The following PKD1 variants were observed in gnomAD, a reference collection of about 807,000 sequenced individuals.
The protein encoded by PKD1 is polycystin 1, transient receptor potential channel interacting.
PKD1 carries 81 observed loss-of-function variants against 361.7 expected under a neutral mutation model. The ratio of observed to expected loss-of-function variants is 0.22; its 90% CI spans 0.19 to 0.27. PKD1 has a LOEUF of 0.27. Ranked by LOEUF, PKD1 falls within the 10% of genes least tolerant of loss-of-function variation. PKD1 has a pLI of 1.00. For missense variants in PKD1, 6,399 were observed against 6,118.3 expected (o/e 1.05, Z -1.53); for synonymous variants, 3,615 against 2,818.3 (o/e 1.28, Z -8.95).
chr16:2,108,368 C>T lies in PKD1; in HGVS notation c.6799G>A (p.Val2267Met), dbSNP rs148069029. 238 of 1,610,370 alleles carry T rather than the reference C, an allele frequency of 1.5e-4. No homozygotes were observed. In the African/African-American group the frequency reaches 1.6e-3, roughly 11 times the overall value. ...ACCAGGTCCCGTGTGTCTGACCACA[C>T]GCGGTATGAGCCACCCTCAATGATG... ...VPIIEGGSYR[V>M]WSDTRDLVLD... Residue 2267 changes from valine (V) to methionine (M), a missense_variant, in exon 15 of 46, where the codon GTG becomes ATG. Transcript: ENST00000262304.
At position 2,115,378 on chromosome 16, in the gene PKD1, C is replaced by T; in HGVS notation, c.2097G>A (p.Ser699=). The change falls in exon 10 of 46, where the codon TCG becomes TCA. Residue 699 remains serine, a splice_region_variant and synonymous_variant. Transcript: ENST00000262304. ...ACAGACCCAGGTCAGGGCCACACAC[C>T]GAGTACTGCGCGGGGGGCCCCGCGG... ...SVPAGPPAQY[S]VTLHGQDVLM... 5 of 1,524,164 alleles carry T rather than the reference C, an allele frequency of 3.3e-6. No homozygotes were observed. The highest frequency in any genetic ancestry group is 4.5e-6 in the Non-Finnish European group (5 of 1,122,896). 94.4% of individuals were successfully genotyped at this position (1,524,164 alleles called of 1,614,324 possible). A position where few individuals can be genotyped will look rare whatever the true frequency, so the allele number is the denominator to read the frequency against.
intron 1 of PKD1, among the ~76,000 whole-genome samples, chr16:2,121,099 C>T (rs1284459463): frequency 1.3e-5 from 2 of 151,910 alleles, no homozygotes; most frequent in Non-Finnish European, 2.9e-5. Context: ...GGTGCAATGG[C>T]TCCTGCCTGT....
Position 2,102,616 on chromosome 16 carries a change from C to T in PKD1, c.8966G>A (p.Gly2989Glu), listed in dbSNP as rs2092142047. The T allele has an allele frequency of 1.2e-6, 2 of 1,610,942 alleles. No individual in the cohort carries two copies. Among genetic ancestry groups the T allele is most frequent in the Non-Finnish European group, 1.7e-6 (2 of 1,179,814 alleles). The change falls in exon 25 of 46, where the codon GGG (glycine) becomes GAG (glutamate). Residue 2989 changes from glycine to glutamate, a missense_variant. Coordinates refer to ENST00000262304, the MANE Select transcript of PKD1 (RefSeq NM_001009944.3). ...GCTGGAGAGGTTCAGATGGTAACTC[C>T]CCGCTGGGTCTCTGCTCCTGGGCAG... The part of the protein sequence containing the change: ...FISPGSRDPA[G>E]SYHLNLSSHF...
chr16:2,098,239 C>G, intron 30 of PKD1: 2 of 552,242 alleles, frequency 3.6e-6, no homozygotes, highest in South Asian at 4.0e-5. Flanking sequence ...TAGATGGAGT[C>G]TCGCTGTCAC....
chr16:2,123,439 C>A (rs1350086816), intron 1 of PKD1: 1 of 456,410 alleles, frequency 2.2e-6, no homozygotes, highest in East Asian at 6.9e-5. Context: ...CAGGGAACAG[C>A]ACAGGGGTCC....
chr16:2,127,353 C>T (rs2092812131), intron 1 of PKD1, among the ~76,000 whole-genome samples: 1 of 152,250 alleles, frequency 6.6e-6, no homozygotes, highest in Non-Finnish European at 1.5e-5. Context: ...TGGGCAAACA[C>T]CCAGATGTAG....
At chr16:2,092,630 C>A (rs1234765533) in intron 38 of PKD1, 38 bp from the exon 39 acceptor site, 35 of 1,414,192 alleles carry the variant, frequency 2.5e-5, no homozygotes, top group Non-Finnish European at 3.3e-5. Flanking sequence ...GCCCCTACTG[C>A]CCCATGCCCG....
intron 45 of PKD1, 30 bp downstream of exon 45, chr16:2,090,255 T>A: frequency 6.2e-7 from 1 of 1,608,646 alleles, no homozygotes; most frequent in Non-Finnish European, 8.5e-7. Flanking sequence ...CCAGGGCGTG[T>A]CCCTCTCCCC....
At chr16:2,098,959 T>C (rs1259721557) in intron 30 of PKD1, 1 of 159,458 alleles carries the variant, frequency 6.3e-6, no homozygotes, top group Non-Finnish European at 1.4e-5. Context: ...GCCTCTCGAG[T>C]AGCTGGGACT....
rs776302294 is a variant in PKD1 at position 2,118,404 on chromosome 16, G to A, written c.588C>T (p.Ser196=). 1,497 of 1,221,104 alleles carry A rather than the reference G, an allele frequency of 1.2e-3. 12 individuals carry two copies. Among genetic ancestry groups the A allele is most frequent in the Middle Eastern group, 0.011 (43 of 3,768 alleles). 75.6% of individuals were successfully genotyped at this position (1,221,104 alleles called of 1,614,324 possible). A position where few individuals can be genotyped will look rare whatever the true frequency, so the allele number is the denominator to read the frequency against. Residue 196 remains serine (S), a synonymous_variant, in exon 5 of 46, where the codon TCC becomes TCT. Transcript: ENST00000262304. This position sits in a 1 kb window ranked among gnomAD's most constrained non-coding sequence, Gnocchi z 6.0. The part of the protein sequence containing the change: ...DNSSGTVAAV[S]FSAAHEGLLQ... Reference sequence around the variant, plus strand: ...GCAGGCCTTCGTGGGCAGCTGAAAAGGACACTGCTGCCACGGTGCCTGAGC... The same window carrying A: ...GCAGGCCTTCGTGGGCAGCTGAAAAAGACACTGCTGCCACGGTGCCTGAGC...
chr16:2,106,470 C>T lies in PKD1; in HGVS notation c.7417G>A (p.Gly2473Arg), dbSNP rs755488448. Residue 2473 changes from glycine to arginine, a missense_variant, in exon 18 of 46, where the codon GGG becomes AGG. Physicochemically the swap from Gly to Arg is moderately radical, Grantham distance 125. Transcript: ENST00000262304. The surrounding 1 kb of genome is among the most constrained non-coding windows in gnomAD (Gnocchi z 6.5). ...AGTGGGAAGAGGCGGCAAGAGCCCC[C>T]CAGCGGCGGGCGGTTGGGGGACAGG... ...IRLSPNRPPL[G>R]GSCRLFPLGA... 1.9e-6 allele frequency: 3 copies of T among 1,591,122 alleles called. No homozygotes were observed. Among genetic ancestry groups the T allele is most frequent in the Non-Finnish European group, 1.7e-6 (2 of 1,175,610 alleles).
chr16:2,109,992 G>A lies in PKD1; in HGVS notation c.5175C>T (p.Ala1725=), dbSNP rs1195481559. ...VEPVGWLMVA[A]SPNPAAVNTS... ...TGTTGACGGCAGCTGGGTTCGGGGA[G>A]GCGGCCACCATCAGCCACCCCACAG... The change falls in exon 15 of 46, where the codon GCC becomes GCT. Residue 1725 remains alanine (A), a synonymous_variant. Coordinates refer to ENST00000262304, the MANE Select transcript of PKD1 (RefSeq NM_001009944.3). 4 of 1,609,934 alleles carry A rather than the reference G, an allele frequency of 2.5e-6. No individual in the cohort carries two copies. The highest frequency in any genetic ancestry group is 2.7e-5 in the African/African-American group (2 of 74,854).
rs777123546 is a variant in PKD1 at position 2,108,640 on chromosome 16, C to T, written c.6527G>A (p.Arg2176His). 3.8e-6 allele frequency: 6 copies of T among 1,560,998 alleles called. No individual in the cohort carries two copies. Among genetic ancestry groups the T allele is most frequent in the Non-Finnish European group, 5.2e-6 (6 of 1,153,690 alleles). ...CTCAGTCTGGTAGGTGACGCAGTCG[C>T]GCAGGTCAACGTGGGCCTCCAAGTA... ...RNYLEAHVDLRDCVTYQTEYR... is the reference protein window; with the variant it reads ...RNYLEAHVDLHDCVTYQTEYR... Residue 2176 changes from arginine to histidine, a missense_variant, in exon 15 of 46, where the codon CGC becomes CAC. Coordinates refer to ENST00000262304, the MANE Select transcript of PKD1 (RefSeq NM_001009944.3).
intron 22 of PKD1, 146 bp downstream of exon 22, chr16:2,104,352 G>T: frequency 3.7e-6 from 2 of 533,530 alleles, no homozygotes; most frequent in Non-Finnish European, 3.4e-6. Flanking sequence ...ATGGGAATTG[G>T]GGGAGGGGGA....
chr16:2,115,771 T>C, intron 9 of PKD1, 146 bp from the exon 10 acceptor site: 1 of 1,025,672 alleles, frequency 9.7e-7, no homozygotes, highest in Non-Finnish European at 1.4e-6. Context: ...GCTGCGTCCG[T>C]CTCCGGCCAG....
rs1387052959 is a variant in PKD1, at chr16:2,115,362, G to A, written c.2097+16C>T. The stretch of plus-strand genomic sequence containing the variant: ...TGAGGAGATGCAGGGAACAGACCCA[G>A]GTCAGGGCCACACACCGAGTACTGC... On this transcript the variant is annotated intron_variant, in intron 10 of 45. Transcript: ENST00000262304. 1.7e-5 allele frequency: 26 copies of A among 1,495,492 alleles called. No individual in the cohort carries two copies. The highest frequency in any genetic ancestry group is 2.3e-5 in the Non-Finnish European group (25 of 1,098,616). The allele number at this position is 1,495,492 out of a possible 1,614,324, so 92.6% of individuals were successfully genotyped here.
rs2092676631 is a variant in PKD1, at chr16:2,118,571, G to A, written c.529+105C>T. The A allele has an allele frequency of 3.1e-6, 3 of 965,720 alleles. No individual in the cohort carries two copies. In the African/African-American group the frequency reaches 4.8e-5, roughly 15 times the overall value. The allele number at this position is 965,720 out of a possible 1,614,324, so 59.8% of individuals were successfully genotyped here. A position where few individuals can be genotyped will look rare whatever the true frequency, so the allele number is the denominator to read the frequency against. Reference sequence around the variant, plus strand: ...GCTCCCATGCTGTTCCCTTGGCCCGGAGGCCCCCCCCAGAGAGGCCTTCCT... The same window carrying A: ...GCTCCCATGCTGTTCCCTTGGCCCGAAGGCCCCCCCCAGAGAGGCCTTCCT... On this transcript the variant is annotated intron_variant, in intron 4 of 45. Transcript: ENST00000262304. This position sits in a 1 kb window ranked among gnomAD's most constrained non-coding sequence, Gnocchi z 6.0.
intron 1 of PKD1, among the ~76,000 whole-genome samples, chr16:2,128,807 C>T (rs182015218): frequency 1.3e-5 from 2 of 152,082 alleles, no homozygotes; most frequent in African/African-American, 4.8e-5. Flanking sequence ...CAGGTTCAAG[C>T]GATTCTCCTG....
chr16:2,096,460 A>G (rs548999432), intron 34 of PKD1, among the ~76,000 whole-genome samples: 9 of 152,358 alleles, frequency 5.9e-5, no homozygotes, highest in Admixed American at 5.2e-4. Context: ...GACTACATAC[A>G]AGGTAACCTC....
Sources: gnomAD v4.1 joint callset for allele counts (sites outside exome capture counted in the v4.1 genomes callset) on GRCh38, gnomAD v4.1.1 for gene constraint, Gnocchi (gnomAD v3.1) non-coding constraint, MANE v1.5 for transcripts, NCBI Gene and HGNC (gene_info 2026-07-23, HGNC 2026-07-21) for gene names.